Variants in ERCC6L2 observed in about 807,000 individuals in gnomAD.
ERCC6L2 encodes DNA excision repair protein ERCC-6-like 2.
A neutral mutation model predicts 132.0 loss-of-function variants in ERCC6L2; 77 were observed. The ratio of observed to expected loss-of-function variants is 0.58; its 90% CI spans 0.49 to 0.71. The LOEUF (loss-of-function observed/expected upper bound fraction) is 0.71, where lower values mean the gene tolerates loss of function less well. Among genes scored for constraint, ERCC6L2 ranks in the 30% least tolerant of loss-of-function variants. ERCC6L2 has a pLI of 0.00. For synonymous variants in ERCC6L2, 583 were observed against 632.4 expected (o/e 0.92, Z 1.17); for missense variants, 1,542 against 1,837.6 (o/e 0.84, Z 2.94).
intron 17 of ERCC6L2, among the ~76,000 whole-genome samples, chr9:95,981,587 A>G (rs1311808542): frequency 1.3e-5 from 2 of 152,214 alleles, no homozygotes; most frequent in African/African-American, 4.8e-5. Flanking sequence ...AGCTCATTTT[A>G]ACAAGACGAG....
chr9:96,029,578 C>A (rs895141013), intron 19 of ERCC6L2, among the ~76,000 whole-genome samples: 1 of 152,156 alleles, frequency 6.6e-6, no homozygotes, highest in African/African-American at 2.4e-5. Flanking sequence ...AAGATTGTTT[C>A]CCCACTGAGG....
chr9:95,923,563 G>A (rs547872754), intron 9 of ERCC6L2, among the ~76,000 whole-genome samples, 184 bp downstream of exon 9: 2 of 152,276 alleles, frequency 1.3e-5, no homozygotes, highest in South Asian at 2.1e-4. Flanking sequence ...TACAGATGGT[G>A]TGCACTCGAT....
At chr9:96,003,055 T>A (rs1833744135) in intron 17 of ERCC6L2, among the ~76,000 whole-genome samples, 1 of 152,206 alleles carries the variant, frequency 6.6e-6, no homozygotes, top group Non-Finnish European at 1.5e-5. Context: ...GCTGTGATCA[T>A]GCCACTGCGC....
At chr9:96,028,575 G>C (rs970821433) in intron 19 of ERCC6L2, among the ~76,000 whole-genome samples, 4 of 152,110 alleles carry the variant, frequency 2.6e-5, no homozygotes, top group African/African-American at 9.7e-5. Context: ...GGTTGTCCTC[G>C]AGTTCTTGCC....
intron 17 of ERCC6L2, among the ~76,000 whole-genome samples, chr9:96,003,741 G>A (rs905488073): frequency 2.6e-5 from 4 of 152,156 alleles, no homozygotes; most frequent in African/African-American, 9.7e-5. Context: ...TCCTTGTTTG[G>A]GGCACCTAGA....
chr9:95,912,015 G>A (rs909738517), intron 4 of ERCC6L2, among the ~76,000 whole-genome samples: 4 of 151,984 alleles, frequency 2.6e-5, no homozygotes, highest in South Asian at 2.1e-4. Context: ...TCTCTTGCCC[G>A]CTTTAGGATG....
At chr9:96,007,329 G>A (rs1437862073) in intron 18 of ERCC6L2, among the ~76,000 whole-genome samples, 1 of 152,178 alleles carries the variant, frequency 6.6e-6, no homozygotes, top group East Asian at 1.9e-4. Flanking sequence ...GTTTGGAGGT[G>A]AGCTAAAGAA....
chr9:96,032,318 G>A (rs2133267664), intron 19 of ERCC6L2, among the ~76,000 whole-genome samples: 1 of 152,324 alleles, frequency 6.6e-6, no homozygotes, highest in South Asian at 2.1e-4. Context: ...GCTAGGCCAG[G>A]CAGAATCAGC....
At chr9:95,879,498 G>A (rs575754176) in intron 1 of ERCC6L2, among the ~76,000 whole-genome samples, 1 of 152,276 alleles carries the variant, frequency 6.6e-6, no homozygotes, top group African/African-American at 2.4e-5. Flanking sequence ...GGTGCAAATA[G>A]TACTGTTATG....
intron 9 of ERCC6L2, among the ~76,000 whole-genome samples, chr9:95,925,814 A>G (rs1381215167): frequency 6.6e-6 from 1 of 150,874 alleles, no homozygotes; most frequent in African/African-American, 2.4e-5. Context: ...AACAAACCAC[A>G]GACTGGGAGA....
At chr9:95,932,595 A>G (rs528035827) in intron 11 of ERCC6L2, among the ~76,000 whole-genome samples, 54 of 152,264 alleles carry the variant, frequency 3.5e-4, no homozygotes, top group Non-Finnish European at 6.0e-4. Context: ...GTATGAAGCC[A>G]CCCTATCCAT....
Position 96,012,595 on chromosome 9 carries a change from G to C in ERCC6L2, c.4045G>C (p.Val1349Leu). Residue 1349 changes from valine to leucine, a missense_variant, in exon 19 of 19, where the codon GTG becomes CTG. Val to Leu is a conservative substitution (Grantham distance 32, BLOSUM62 1). This residue lies in a region of ERCC6L2 where 442 missense variants were observed against 583.4 expected (regional missense o/e 0.76). Coordinates refer to ENST00000653738, the MANE Select transcript of ERCC6L2 (RefSeq NM_020207.7). ...FQNHISYREE[V>L]FFNDAETKKS... ...GAATCATATTTCCTATAGAGAAGAG[G>C]TGTTTTTTAATGATGCAGAAACTAA... The C allele has an allele frequency of 7.3e-7, 1 of 1,367,562 alleles. No individual in the cohort carries two copies. The highest frequency in any genetic ancestry group is 2.1e-4 in the Middle Eastern group (1 of 4,768). The allele number at this position is 1,367,562 out of a possible 1,614,324, so 84.7% of individuals were successfully genotyped here.
intron 17 of ERCC6L2, among the ~76,000 whole-genome samples, chr9:96,001,315 C>A (rs960804519): frequency 1.3e-5 from 2 of 152,204 alleles, no homozygotes; most frequent in African/African-American, 4.8e-5. Flanking sequence ...TCTGGCCCCA[C>A]CCACATCCTG....
At chr9:95,916,099 A>G (rs931987986) in intron 5 of ERCC6L2, 128 bp from the exon 6 acceptor site, 34 of 917,042 alleles carry the variant, frequency 3.7e-5, no homozygotes, top group South Asian at 1.3e-4. Flanking sequence ...AAGAAAGAAC[A>G]TTCTGTTTTC....
Position 95,875,946 on chromosome 9 carries a change from GGCC to G in ERCC6L2, c.-89_-87del. The G allele has an allele frequency of 1.4e-6, 2 of 1,385,584 alleles. No individual in the cohort carries two copies. The highest frequency in any genetic ancestry group is 4.2e-4 in the Middle Eastern group (2 of 4,768). The allele number at this position is 1,385,584 out of a possible 1,614,324, so 85.8% of individuals were successfully genotyped here. On this transcript the variant is annotated 5_prime_UTR_variant, in exon 1 of 19. Coordinates refer to ENST00000653738, the MANE Select transcript of ERCC6L2 (RefSeq NM_020207.7). The stretch of plus-strand genomic sequence containing the variant: ...TCGGAGGGCGGCCGGAAGTGGCGTT[GGCC>G]GCCATTGGCCTGCCGGCCAGCCACC...
downstream of ERCC6L2, among the ~76,000 whole-genome samples, chr9:96,019,400 C>G (rs1036208519): frequency 1.3e-5 from 2 of 152,156 alleles, no homozygotes; most frequent in African/African-American, 4.8e-5. Context: ...CTTTCTCTTC[C>G]TCTCCGTCCA....
In ERCC6L2 at chr9:95,916,437, A is replaced by G. The variant is rs1829593980; in HGVS notation, c.1158+3A>G. On this transcript the variant is annotated splice_donor_region_variant and intron_variant, in intron 6 of 18. Coordinates refer to ENST00000653738, the MANE Select transcript of ERCC6L2 (RefSeq NM_020207.7). ...AGTTGCCTAAGAAGGAAGACCGGGT[A>G]AGAACCGCATTTGTATATATTATTA... 1.3e-6 allele frequency: 2 copies of G among 1,548,106 alleles called. No individual in the cohort carries two copies. The highest frequency in any genetic ancestry group is 2.2e-5 in the Admixed American group (1 of 45,262).
chr9:95,949,224 C>CT (rs1480039076), intron 12 of ERCC6L2, among the ~76,000 whole-genome samples: 2 of 152,010 alleles, frequency 1.3e-5, no homozygotes, highest in Non-Finnish European at 2.9e-5. Context: ...ATATAGGACA[C>CT]TATCAAATGG....
At chr9:96,001,405 TCTC>T (rs1302648577) in intron 17 of ERCC6L2, among the ~76,000 whole-genome samples, 1 of 152,066 alleles carries the variant, frequency 6.6e-6, no homozygotes, top group African/African-American at 2.4e-5. Flanking sequence ...ATACAAAGGT[TCTC>T]CACGTCCCCA....
Sources: gnomAD v4.1 joint callset for allele counts (sites outside exome capture counted in the v4.1 genomes callset) on GRCh38, gnomAD v4.1.1 for gene constraint, gnomAD v4.1.1 regional missense constraint, MANE v1.5 for transcripts, NCBI Gene and HGNC (gene_info 2026-07-23, HGNC 2026-07-21) for gene names.